MAP3K4: variants seen among roughly 807,000 people sequenced by gnomAD.
MAP3K4 encodes MAP three kinase 1.
In MAP3K4, 67 loss-of-function variants were observed where a neutral mutation model predicts 185.6. The ratio of observed to expected loss-of-function variants is 0.36; its 90% CI spans 0.30 to 0.44. The LOEUF is 0.44. MAP3K4 is among the 20% of genes least tolerant of loss of function. The pLI is 1.00. For synonymous variants in MAP3K4, 702 were observed against 710.4 expected (o/e 0.99, Z 0.19); for missense variants, 1,551 against 1,995.1 (o/e 0.78, Z 4.24).
chr6:161,044,025 T>C (rs1783609899), intron 2 of MAP3K4, among the ~76,000 whole-genome samples: 1 of 152,268 alleles, frequency 6.6e-6, no homozygotes, highest in Non-Finnish European at 1.5e-5. Context: ...ATCCGTCAGA[T>C]GAACCATATT....
rs976263263 is a variant in MAP3K4 at position 161,100,754 on chromosome 6, G to T, written c.3675-1138G>T. 2.0e-5 allele frequency among the ~76,000 whole-genome samples: 3 copies of T among 152,154 alleles called. No homozygotes were observed. Among genetic ancestry groups the T allele is most frequent in the Admixed American group, 6.5e-5 (1 of 15,278 alleles). On this transcript the variant is annotated intron_variant, in intron 17 of 26. Coordinates refer to ENST00000392142, the MANE Select transcript of MAP3K4 (RefSeq NM_005922.4). The surrounding 1 kb of genome is among the most constrained non-coding windows in gnomAD (Gnocchi z 5.8). ...TTGTGGGAAATCGGAAAAATTAGAG[G>T]TGTTTAGTGACTTCTTGGTCTCACC...
At position 161,051,837 on chromosome 6, in the gene MAP3K4, C is replaced by G. The variant is rs1562507724; in HGVS notation, c.1707+1858C>G. ...TGTGTAAATAGTTGTTATACTGTAT[C>G]TTTTTTGTTTGTATTATTACTATTA... is the stretch of plus-strand genomic sequence containing the variant. On this transcript the variant is annotated intron_variant, in intron 3 of 26. Transcript: ENST00000392142. This position sits in a 1 kb window ranked among gnomAD's most constrained non-coding sequence, Gnocchi z 4.2. 6.6e-6 allele frequency among the ~76,000 whole-genome samples: 1 copy of G among 152,086 alleles called. No homozygotes were observed. The highest frequency in any genetic ancestry group is 2.4e-5 in the African/African-American group (1 of 41,420).
At chr6:161,009,685 T>A (rs1030779020) in intron 1 of MAP3K4, among the ~76,000 whole-genome samples, 1 of 151,820 alleles carries the variant, frequency 6.6e-6, no homozygotes, top group Non-Finnish European at 1.5e-5. Context: ...TATGTGCATT[T>A]AAAAAAAAAT....
At chr6:161,009,348 A>T (rs980931224) in intron 1 of MAP3K4, among the ~76,000 whole-genome samples, 3 of 152,170 alleles carry the variant, frequency 2.0e-5, no homozygotes. Context: ...TATTGATGCA[A>T]CCAATTTCCA....
intron 1 of MAP3K4, among the ~76,000 whole-genome samples, chr6:161,013,386 T>C (rs1781937071): frequency 6.6e-6 from 1 of 152,262 alleles, no homozygotes; most frequent in Admixed American, 6.5e-5. Flanking sequence ...ACTTTTAATA[T>C]GGCTTAGGTA....
intron 1 of MAP3K4, among the ~76,000 whole-genome samples, chr6:161,024,178 G>A (rs888317384): frequency 4.6e-5 from 7 of 151,932 alleles, no homozygotes; most frequent in African/African-American, 1.7e-4. Context: ...GATATTGCCC[G>A]GGCTGGTGTC....
chr6:161,005,360 G>A (rs984164614), intron 1 of MAP3K4, among the ~76,000 whole-genome samples: 2 of 151,880 alleles, frequency 1.3e-5, no homozygotes, highest in African/African-American at 4.8e-5. Context: ...GACTGGTCTC[G>A]AACTCCTGGG....
intron 3 of MAP3K4, among the ~76,000 whole-genome samples, chr6:161,059,546 G>T (rs1364128554): frequency 3.9e-5 from 6 of 152,048 alleles, no homozygotes; most frequent in Admixed American, 3.9e-4. Flanking sequence ...CTGTTAGGCT[G>T]CCTTTCTATT....
chr6:161,062,690 A>G (rs1784535627), intron 3 of MAP3K4, among the ~76,000 whole-genome samples: 1 of 152,194 alleles, frequency 6.6e-6, no homozygotes, highest in South Asian at 2.1e-4. Flanking sequence ...TTTGACAGGA[A>G]GCATTGATGT....
chr6:161,098,649 T>C lies in MAP3K4; in HGVS notation c.3674+222T>C, dbSNP rs969142839. 9.9e-5 allele frequency among the ~76,000 whole-genome samples: 15 copies of C among 152,204 alleles called. No homozygotes were observed. Among genetic ancestry groups the C allele is most frequent in the African/African-American group, 2.4e-5 (1 of 41,440 alleles). ...TGTCAGTATTTCTTTGGAGCTGATA[T>C]TAGCCAAAATGACTAAAGACTTTGC... On this transcript the variant is annotated intron_variant, in intron 17 of 26. Transcript: ENST00000392142. The surrounding 1 kb of genome is among the most constrained non-coding windows in gnomAD (Gnocchi z 4.4).
intron 5 of MAP3K4, among the ~76,000 whole-genome samples, chr6:161,079,519 G>A (rs1482897852): frequency 1.3e-5 from 2 of 152,346 alleles, no homozygotes; most frequent in African/African-American, 4.8e-5. Flanking sequence ...AGAGGTTGCG[G>A]TGAGCCGAGA....
chr6:161,034,214 T>C lies in MAP3K4; in HGVS notation c.153-45T>C. Reference sequence around the variant, plus strand: ...AAATTATAAGTAAATTTGAATTCACTTAACTGTGTTGCTGAATATTTTCCC... The same window carrying C: ...AAATTATAAGTAAATTTGAATTCACCTAACTGTGTTGCTGAATATTTTCCC... On this transcript the variant is annotated intron_variant, in intron 1 of 26. Coordinates refer to ENST00000392142, the MANE Select transcript of MAP3K4 (RefSeq NM_005922.4). The surrounding 1 kb of genome is among the most constrained non-coding windows in gnomAD (Gnocchi z 4.4). 7.0e-7 allele frequency: 1 copy of C among 1,438,656 alleles called. No individual in the cohort carries two copies. Among genetic ancestry groups the C allele is most frequent in the Non-Finnish European group, 9.5e-7 (1 of 1,050,956 alleles). 89.1% of individuals were successfully genotyped at this position (1,438,656 alleles called of 1,614,324 possible). A position where few individuals can be genotyped will look rare whatever the true frequency, so the allele number is the denominator to read the frequency against.
At chr6:161,041,912 C>CTTTTTTTTT (rs1184107037) in intron 2 of MAP3K4, among the ~76,000 whole-genome samples, 19 of 64,038 alleles carry the variant, frequency 3.0e-4, no homozygotes, top group African/African-American at 7.6e-4. Context: ...GTTATTGTTT[C>CTTTTTTTTT]TTTTTTTTTT....
chr6:161,098,234 C>T lies in MAP3K4; in HGVS notation c.3525-44C>T. 6.5e-7 allele frequency: 1 copy of T among 1,539,938 alleles called. No homozygotes were observed. Among genetic ancestry groups the T allele is most frequent in the South Asian group, 1.2e-5 (1 of 82,500 alleles). On this transcript the variant is annotated intron_variant, in intron 16 of 26. Coordinates refer to ENST00000392142, the MANE Select transcript of MAP3K4 (RefSeq NM_005922.4). This position sits in a 1 kb window ranked among gnomAD's most constrained non-coding sequence, Gnocchi z 4.4. ...ATTGAAAACAATTTTCAAGTCCGTTCCCTCTTCTCACATGTGTTCCTGAAG... is the reference window on the plus strand; with the variant it reads ...ATTGAAAACAATTTTCAAGTCCGTTTCCTCTTCTCACATGTGTTCCTGAAG...
At chr6:161,111,099 C>T (rs1778327592) in intron 23 of MAP3K4, among the ~76,000 whole-genome samples, 1 of 152,162 alleles carries the variant, frequency 6.6e-6, no homozygotes, top group Non-Finnish European at 1.5e-5. Flanking sequence ...TGGGGAGCAT[C>T]AACTCTAGGA....
In MAP3K4 at chr6:161,008,982, C is replaced by T. The variant is rs1387491798; in HGVS notation, c.152+16899C>T. ...TGGCATATTCATTTTTTTAAACCATCTGAACCTTTTTTTTTTTTTTTGAGA... is the reference window on the plus strand; with the variant it reads ...TGGCATATTCATTTTTTTAAACCATTTGAACCTTTTTTTTTTTTTTTGAGA... On this transcript the variant is annotated intron_variant, in intron 1 of 26. Transcript: ENST00000392142. This position sits in a 1 kb window ranked among gnomAD's most constrained non-coding sequence, Gnocchi z 4.1. 1.3e-5 allele frequency among the ~76,000 whole-genome samples: 2 copies of T among 148,922 alleles called. No homozygotes were observed. The highest frequency in any genetic ancestry group is 3.0e-5 in the Non-Finnish European group (2 of 67,562).
At position 161,088,088 on chromosome 6, in the gene MAP3K4, A is replaced by C. The variant is rs1785830528; in HGVS notation, c.2823+134A>C. ...TATATACTTCCCAAAAATATGCCTC[A>C]ATGTGTTAATAGGTCATTTTGCAGC... is the stretch of plus-strand genomic sequence containing the variant. On this transcript the variant is annotated intron_variant, in intron 10 of 26. Transcript: ENST00000392142. The surrounding 1 kb of genome is among the most constrained non-coding windows in gnomAD (Gnocchi z 4.5). 1.3e-6 allele frequency: 1 copy of C among 798,012 alleles called. No homozygotes were observed. 49.4% of individuals were successfully genotyped at this position (798,012 alleles called of 1,614,324 possible).
chr6:161,044,650 T>C (rs1462460022), intron 2 of MAP3K4, among the ~76,000 whole-genome samples: 1 of 152,180 alleles, frequency 6.6e-6, no homozygotes, highest in Non-Finnish European at 1.5e-5. Flanking sequence ...TGTCAGTCCA[T>C]TTTGCGTTGG....
rs1435733921 is a variant in MAP3K4, at chr6:161,073,081, G to C, written c.1951-385G>C. ...ACCTTTGAATCTTTATTATGTTTTT[G>C]ATCATTAGGAGGTTTTTCTTTCTCA... On this transcript the variant is annotated intron_variant, in intron 4 of 26. Coordinates refer to ENST00000392142, the MANE Select transcript of MAP3K4 (RefSeq NM_005922.4). The surrounding 1 kb of genome is among the most constrained non-coding windows in gnomAD (Gnocchi z 4.2). Among the ~76,000 whole-genome samples, 1 of 151,984 alleles carries C rather than the reference G, an allele frequency of 6.6e-6. No individual in the cohort carries two copies. Among genetic ancestry groups the C allele is most frequent in the Non-Finnish European group, 1.5e-5 (1 of 67,970 alleles).
Sources: allele counts gnomAD v4.1 joint callset (sites outside exome capture counted in the v4.1 genomes callset), GRCh38; gene constraint gnomAD v4.1.1; non-coding constraint Gnocchi (gnomAD v3.1); transcripts MANE v1.5; gene names NCBI Gene and HGNC (gene_info 2026-07-23, HGNC 2026-07-21).